The following ZFYVE28 variants were observed in gnomAD, a reference collection of about 807,000 sequenced individuals.
The protein encoded by ZFYVE28 is lateral signaling target protein 2 homolog.
In ZFYVE28, 40 loss-of-function variants were observed where a neutral mutation model predicts 82.1. The ratio of observed to expected loss-of-function variants is 0.49; its 90% CI spans 0.38 to 0.63. The LOEUF is 0.63. Among genes scored for constraint, ZFYVE28 ranks in the 30% least tolerant of loss-of-function variants. The pLI is 0.00. For synonymous variants in ZFYVE28, 612 were observed against 546.1 expected (o/e 1.12, Z -1.68); for missense variants, 1,321 against 1,242.1 (o/e 1.06, Z -0.96).
chr4:2,403,450 C>T (rs1454206529), intron 1 of ZFYVE28, among the ~76,000 whole-genome samples: 1 of 152,184 alleles, frequency 6.6e-6, no homozygotes, highest in African/African-American at 2.4e-5. Flanking sequence ...TGGATCGTGG[C>T]GGGAGGACAT....
intron 7 of ZFYVE28, among the ~76,000 whole-genome samples, chr4:2,311,597 T>C (rs1313348751): frequency 6.6e-6 from 1 of 152,230 alleles, no homozygotes; most frequent in Admixed American, 6.5e-5. Flanking sequence ...TTCATTGACA[T>C]CTGTTCTTAT....
chr4:2,325,592 C>CTTTTTTTTTTTTT, intron 6 of ZFYVE28, among the ~76,000 whole-genome samples: 1 of 122,228 alleles, frequency 8.2e-6, no homozygotes, highest in Admixed American at 8.9e-5. Context: ...TTAAATCTTA[C>CTTTTTTTTTTTTT]TTTTTTTTTT....
At chr4:2,410,369 G>A (rs1033597906) in intron 1 of ZFYVE28, among the ~76,000 whole-genome samples, 1 of 151,236 alleles carries the variant, frequency 6.6e-6, no homozygotes, top group African/African-American at 2.4e-5. Flanking sequence ...CATACAAGAC[G>A]CAGCCCTTTG....
At chr4:2,294,699 A>G (rs1426054452) in intron 8 of ZFYVE28, among the ~76,000 whole-genome samples, 4 of 152,268 alleles carry the variant, frequency 2.6e-5, no homozygotes, top group Non-Finnish European at 5.9e-5. Flanking sequence ...ACATAACAGA[A>G]TTATATCCAG....
intron 2 of ZFYVE28, among the ~76,000 whole-genome samples, chr4:2,348,300 T>C (rs1164178618): frequency 1.3e-5 from 2 of 152,190 alleles, no homozygotes; most frequent in African/African-American, 4.8e-5. Context: ...ATTCAAGAAA[T>C]TAAATTTGTA....
rs140103966 is a variant in ZFYVE28, at chr4:2,391,455, CT to C, written c.39+26829del. On this transcript the variant is annotated intron_variant, in intron 1 of 12. Coordinates refer to ENST00000290974, the MANE Select transcript of ZFYVE28 (RefSeq NM_020972.3). ...AGCTAGCACTTAGGAGGTCAATTATCTTTTTTTTTTTTTTTTTTTTTACTGT... is the reference window on the plus strand; with the variant it reads ...AGCTAGCACTTAGGAGGTCAATTATCTTTTTTTTTTTTTTTTTTTTACTGT... 1.5e-3 allele frequency among the ~76,000 whole-genome samples: 172 copies of C among 117,172 alleles called. 1 individual carries two copies. Among genetic ancestry groups the C allele is most frequent in the South Asian group, 4.4e-3 (15 of 3,442 alleles). The allele number at this position is 117,172 out of a possible 152,430, so 76.9% of individuals were successfully genotyped here.
chr4:2,326,849 A>C (rs900277002), intron 6 of ZFYVE28, among the ~76,000 whole-genome samples: 2 of 152,174 alleles, frequency 1.3e-5, no homozygotes, highest in Non-Finnish European at 2.9e-5. Context: ...TTAGTGTATA[A>C]AAATGCTACT....
chr4:2,391,553 A>T (rs913770052), intron 1 of ZFYVE28, among the ~76,000 whole-genome samples: 1 of 148,376 alleles, frequency 6.7e-6, no homozygotes, highest in Admixed American at 6.9e-5. Context: ...GCATAAGCAC[A>T]TTCACACTGT....
intron 1 of ZFYVE28, among the ~76,000 whole-genome samples, chr4:2,360,793 T>C (rs1371159688): frequency 6.6e-6 from 1 of 152,208 alleles, no homozygotes; most frequent in African/African-American, 2.4e-5. Flanking sequence ...CATCACTTAG[T>C]GTTAAATCTG....
chr4:2,314,871 T>C lies in ZFYVE28; in HGVS notation c.803+5299A>G, dbSNP rs549284758. ...ATAGCTCACTGCAACCTCAAACTCC[T>C]GGGCTCAAATGATCCTCCCACCTTA... is the stretch of plus-strand genomic sequence containing the variant. On this transcript the variant is annotated intron_variant, in intron 7 of 12. Coordinates refer to ENST00000290974, the MANE Select transcript of ZFYVE28 (RefSeq NM_020972.3). 4.5e-4 allele frequency among the ~76,000 whole-genome samples: 68 copies of C among 152,272 alleles called. 1 individual carries two copies. The South Asian group carries it at 0.014, about 32-fold the overall frequency.
intron 1 of ZFYVE28, among the ~76,000 whole-genome samples, chr4:2,402,613 C>T (rs563294428): frequency 6.6e-6 from 1 of 152,328 alleles, no homozygotes; most frequent in African/African-American, 2.4e-5. Context: ...AGCCACACAG[C>T]AGAGAGCGGG....
At chr4:2,325,711 C>A (rs1719764160) in intron 6 of ZFYVE28, among the ~76,000 whole-genome samples, 1 of 150,292 alleles carries the variant, frequency 6.7e-6, no homozygotes, top group Non-Finnish European at 1.5e-5. Context: ...AACTAATCCT[C>A]TCGTCTTAGC....
At chr4:2,312,059 G>A (rs1717539524) in intron 7 of ZFYVE28, among the ~76,000 whole-genome samples, 1 of 152,190 alleles carries the variant, frequency 6.6e-6, no homozygotes, top group African/African-American at 2.4e-5. Context: ...GCCAAGTGTG[G>A]TGGCTCACAC....
chr4:2,318,255 C>T (rs143420259), intron 7 of ZFYVE28, among the ~76,000 whole-genome samples: 2 of 152,222 alleles, frequency 1.3e-5, no homozygotes, highest in East Asian at 1.9e-4. Context: ...AGTTCAGGTA[C>T]CTTTAAAAGC....
rs1354194744 is a variant in ZFYVE28 at position 2,408,812 on chromosome 4, G to A, written c.39+9473C>T. ...CCCACCTAGATGAAGCCACGCCCAG[G>A]TGAGCCCCGCCCCACGGGCTGATCC... is the stretch of plus-strand genomic sequence containing the variant. On this transcript the variant is annotated intron_variant, in intron 1 of 12. Coordinates refer to ENST00000290974, the MANE Select transcript of ZFYVE28 (RefSeq NM_020972.3). The surrounding 1 kb of genome is among the most constrained non-coding windows in gnomAD (Gnocchi z 4.3). Among the ~76,000 whole-genome samples the A allele has an allele frequency of 6.6e-6, 1 of 151,948 alleles. No individual in the cohort carries two copies. Among genetic ancestry groups the A allele is most frequent in the Non-Finnish European group, 1.5e-5 (1 of 68,014 alleles).
In ZFYVE28 at chr4:2,394,684, C is replaced by G. The variant is rs1315538152; in HGVS notation, c.39+23601G>C. Among the ~76,000 whole-genome samples the G allele has an allele frequency of 6.6e-6, 1 of 152,256 alleles. No homozygotes were observed. Among genetic ancestry groups the G allele is most frequent in the Non-Finnish European group, 1.5e-5 (1 of 68,050 alleles). Reference sequence around the variant, plus strand: ...GCAGGGGCCTGGGTGTCGTGTCACACAGGTCTGCGATCCGATCCTGTGAAC... The same window carrying G: ...GCAGGGGCCTGGGTGTCGTGTCACAGAGGTCTGCGATCCGATCCTGTGAAC... On this transcript the variant is annotated intron_variant, in intron 1 of 12. Coordinates refer to ENST00000290974, the MANE Select transcript of ZFYVE28 (RefSeq NM_020972.3). The surrounding 1 kb of genome is among the most constrained non-coding windows in gnomAD (Gnocchi z 4.0).
At chr4:2,288,064 G>C (rs1222468608) in intron 8 of ZFYVE28, among the ~76,000 whole-genome samples, 2 of 152,108 alleles carry the variant, frequency 1.3e-5, no homozygotes, top group Non-Finnish European at 2.9e-5. Context: ...AGTGGGCCTC[G>C]GAAGGCAGAA....
chr4:2,413,444 G>A (rs1160889543), intron 1 of ZFYVE28, among the ~76,000 whole-genome samples: 3 of 152,226 alleles, frequency 2.0e-5, no homozygotes, highest in Non-Finnish European at 4.4e-5. Flanking sequence ...ACAGCTGAGA[G>A]AGACCGGTGC....
intron 8 of ZFYVE28, chr4:2,286,253 G>A: frequency 6.5e-6 from 1 of 152,836 alleles, no homozygotes; most frequent in Non-Finnish European, 1.5e-5. Flanking sequence ...CCGGCGCCCA[G>A]GCCAGCCCTG....
Sources: gnomAD v4.1 joint callset for allele counts (sites outside exome capture counted in the v4.1 genomes callset) on GRCh38, gnomAD v4.1.1 for gene constraint, Gnocchi (gnomAD v3.1) non-coding constraint, MANE v1.5 for transcripts, NCBI Gene and HGNC (gene_info 2026-07-23, HGNC 2026-07-21) for gene names.